SMG6: variants seen among roughly 807,000 people sequenced by gnomAD.
SMG6 encodes SMG6 nonsense mediated mRNA decay factor.
A neutral mutation model predicts 142.2 loss-of-function variants in SMG6; 66 were observed. The ratio of observed to expected loss-of-function variants is 0.46; its 90% CI spans 0.38 to 0.57. SMG6 has a LOEUF of 0.57. SMG6 is among the 20% of genes least tolerant of loss of function. SMG6 has a pLI of 0.00. For missense variants in SMG6, 1,793 were observed against 1,832.0 expected (o/e 0.98, Z 0.39); for synonymous variants, 779 against 702.4 (o/e 1.11, Z -1.72).
Position 2,300,739 on chromosome 17 carries a change from G to A in SMG6, c.89-75C>T, listed in dbSNP as rs2075263043. 3.7e-6 allele frequency: 5 copies of A among 1,342,498 alleles called. No individual in the cohort carries two copies. In the Admixed American group the frequency reaches 1.0e-4, roughly 27 times the overall value. 83.2% of individuals were successfully genotyped at this position (1,342,498 alleles called of 1,614,324 possible). A position where few individuals can be genotyped will look rare whatever the true frequency, so the allele number is the denominator to read the frequency against. ...AAAGAAGGAAGATAGGGGAAAGACT[G>A]TCATTCTGGTTAAGTAACAAAAAAA... is the stretch of plus-strand genomic sequence containing the variant. On this transcript the variant is annotated intron_variant, in intron 1 of 18. Transcript: ENST00000263073.
At chr17:2,130,759 A>C (rs2058072928) in intron 13 of SMG6, among the ~76,000 whole-genome samples, 2 of 151,960 alleles carry the variant, frequency 1.3e-5, no homozygotes, top group South Asian at 4.1e-4. Context: ...AAAAAAAAAA[A>C]ACATCAAATA....
chr17:2,146,632 C>A (rs906636430), intron 13 of SMG6, among the ~76,000 whole-genome samples: 1 of 152,302 alleles, frequency 6.6e-6, no homozygotes, highest in South Asian at 2.1e-4. Flanking sequence ...CCTCCACCTC[C>A]CATGTTCAAG....
rs193240860 is a variant in SMG6 at position 2,230,013 on chromosome 17, C to T, written c.2869+6479G>A. 5.3e-5 allele frequency among the ~76,000 whole-genome samples: 8 copies of T among 151,404 alleles called. No homozygotes were observed. In the East Asian group the frequency reaches 1.6e-3, roughly 29 times the overall value. On this transcript the variant is annotated intron_variant, in intron 10 of 18. Transcript: ENST00000263073. ...CCAGCCTGGCCAATGTGGTGAAACC[C>T]TGTCTCTACTAAAAATATAAAAATT...
intron 13 of SMG6, chr17:2,127,678 T>A (rs1266931545): frequency 7.0e-6 from 4 of 568,888 alleles, no homozygotes; most frequent in African/African-American, 5.6e-5. Context: ...CTTTTCTAGG[T>A]TGAAGTCTAA....
rs1307476195 is a variant in SMG6, at chr17:2,236,713, A to T, written c.2724-76T>A. The T allele has an allele frequency of 6.0e-4, 273 of 458,802 alleles. 1 individual carries two copies. Among genetic ancestry groups the T allele is most frequent in the African/African-American group, 4.9e-3 (213 of 43,300 alleles). The allele number at this position is 458,802 out of a possible 1,614,324, so 28.4% of individuals were successfully genotyped here. A position where few individuals can be genotyped will look rare whatever the true frequency, so the allele number is the denominator to read the frequency against. ...CTCTCACTCTGTCTCACACACACAC[A>T]CACACACACACACACACACACACAC... On this transcript the variant is annotated intron_variant, in intron 9 of 18. Coordinates refer to ENST00000263073, the MANE Select transcript of SMG6 (RefSeq NM_017575.5).
At chr17:2,189,583 G>C (rs1056478609) in intron 10 of SMG6, among the ~76,000 whole-genome samples, 2 of 152,174 alleles carry the variant, frequency 1.3e-5, no homozygotes, top group African/African-American at 4.8e-5. Flanking sequence ...ATAATCAGCT[G>C]AATGTCTGAT....
intron 8 of SMG6, among the ~76,000 whole-genome samples, chr17:2,281,399 G>T (rs1327323903): frequency 6.6e-6 from 1 of 152,132 alleles, no homozygotes; most frequent in Non-Finnish European, 1.5e-5. Flanking sequence ...AAAGTGCTGG[G>T]ATTACAGATG....
At chr17:2,210,764 AAAAATAAAAT>A (rs957242034) in intron 10 of SMG6, among the ~76,000 whole-genome samples, 19 of 150,942 alleles carry the variant, frequency 1.3e-4, no homozygotes, top group Non-Finnish European at 2.5e-4. Context: ...AGCTTTAAAA[AAAAATAAAAT>A]AAAAAAAAAA....
At chr17:2,246,770 A>C (rs1318754221) in intron 8 of SMG6, among the ~76,000 whole-genome samples, 1 of 152,010 alleles carries the variant, frequency 6.6e-6, no homozygotes, top group East Asian at 1.9e-4. Flanking sequence ...ACACGGTGAA[A>C]CCCCGTCTCT....
chr17:2,178,796 C>A (rs997324117), intron 12 of SMG6, among the ~76,000 whole-genome samples: 2 of 152,168 alleles, frequency 1.3e-5, no homozygotes, highest in Non-Finnish European at 2.9e-5. Context: ...CCTAGGGGAT[C>A]CTGACATCTC....
chr17:2,126,938 GC>G (rs1285342605), intron 13 of SMG6, among the ~76,000 whole-genome samples: 3 of 151,594 alleles, frequency 2.0e-5, no homozygotes, highest in African/African-American at 7.3e-5. Context: ...ATGCACACAT[GC>G]GCACACATGC....
At chr17:2,063,827 GGGA>G (rs1283521567) in intron 18 of SMG6, among the ~76,000 whole-genome samples, 1 of 152,172 alleles carries the variant, frequency 6.6e-6, no homozygotes, top group Non-Finnish European at 1.5e-5. Flanking sequence ...GTGGGCAGAG[GGGA>G]GAAGAAGGTG....
chr17:2,293,387 G>A (rs991565517), intron 4 of SMG6, among the ~76,000 whole-genome samples: 6 of 152,150 alleles, frequency 3.9e-5, no homozygotes, highest in Admixed American at 2.0e-4. Context: ...TAGGGTAACT[G>A]GAGGAAATAA....
Position 2,303,781 on chromosome 17 carries a change from A to C in SMG6, c.-61T>G. ...CACCGCCGCGCGCAGCCAGGAAACC[A>C]CCACAGACGGGCGGCGCGCGCGCTC... On this transcript the variant is annotated 5_prime_UTR_variant, in exon 1 of 19. Transcript: ENST00000263073. 2.9e-6 allele frequency: 4 copies of C among 1,363,246 alleles called. No individual in the cohort carries two copies. Among genetic ancestry groups the C allele is most frequent in the East Asian group, 3.1e-5 (1 of 32,168 alleles). 84.4% of individuals were successfully genotyped at this position (1,363,246 alleles called of 1,614,324 possible).
chr17:2,290,640 A>G (rs985813715), intron 6 of SMG6, among the ~76,000 whole-genome samples: 1 of 152,254 alleles, frequency 6.6e-6, no homozygotes, highest in Non-Finnish European at 1.5e-5. Flanking sequence ...CTGCTCTGCA[A>G]AAGACACTGC....
At chr17:2,121,721 G>A (rs1374622541) in intron 13 of SMG6, among the ~76,000 whole-genome samples, 1 of 151,158 alleles carries the variant, frequency 6.6e-6, no homozygotes, top group Non-Finnish European at 1.5e-5. Flanking sequence ...TGACCTCCTG[G>A]GCTACTAAAG....
At chr17:2,147,693 A>T (rs2070708822) in intron 13 of SMG6, among the ~76,000 whole-genome samples, 1 of 152,190 alleles carries the variant, frequency 6.6e-6, no homozygotes, top group South Asian at 2.1e-4. Context: ...ACACAAAAAG[A>T]TGTTCGACAT....
chr17:2,073,624 G>A (rs532927204), intron 15 of SMG6, among the ~76,000 whole-genome samples: 3 of 146,190 alleles, frequency 2.1e-5, no homozygotes, highest in Non-Finnish European at 3.0e-5. Flanking sequence ...CAGGAGAATT[G>A]CTTGAACCCA....
chr17:2,248,523 T>C (rs1430406346), intron 8 of SMG6, among the ~76,000 whole-genome samples: 1 of 152,200 alleles, frequency 6.6e-6, no homozygotes, highest in African/African-American at 2.4e-5. Flanking sequence ...GCCCACCTAA[T>C]TACCTGAGTC....
Sources: allele counts gnomAD v4.1 joint callset (sites outside exome capture counted in the v4.1 genomes callset), GRCh38; gene constraint gnomAD v4.1.1; transcripts MANE v1.5; gene names NCBI Gene and HGNC (gene_info 2026-07-23, HGNC 2026-07-21).